The following PEBP4 variants were observed in gnomAD, a reference collection of about 807,000 sequenced individuals.
PEBP4 encodes the protein phosphatidylethanolamine binding protein 4.
Under a neutral mutation model 23.9 loss-of-function variants are expected in PEBP4, and 22 were observed. The ratio of observed to expected loss-of-function variants is 0.92; its 90% CI spans 0.66 to 1.31. The LOEUF (loss-of-function observed/expected upper bound fraction) is 1.31. Ranked by LOEUF, PEBP4 falls within the 40% of genes most tolerant of loss-of-function variation. The pLI is 0.00. For missense variants in PEBP4, 324 were observed against 281.7 expected, an observed-to-expected ratio of 1.15 and a Z score of -1.07; for synonymous variants, 112 against 99.3, an observed-to-expected ratio of 1.13 and a Z score of -0.76.
intron 3 of PEBP4, among the ~76,000 whole-genome samples, chr8:22,873,579 C>T (rs1808055935): frequency 6.6e-6 from 1 of 152,124 alleles, no homozygotes; most frequent in Non-Finnish European, 1.5e-5. Context: ...CTGCAGTGAG[C>T]CGTGATTGTG....
At chr8:22,926,154 T>C (rs888133868) in intron 2 of PEBP4, among the ~76,000 whole-genome samples, 2 of 151,834 alleles carry the variant, frequency 1.3e-5, no homozygotes, top group African/African-American at 4.8e-5. Context: ...TTTTTTTTAT[T>C]TTTAGTAGAG....
intron 4 of PEBP4, among the ~76,000 whole-genome samples, chr8:22,774,218 T>C (rs1308567210): frequency 1.3e-5 from 2 of 152,210 alleles, no homozygotes; most frequent in Non-Finnish European, 2.9e-5. Flanking sequence ...TTTCAATCAC[T>C]TTCCTTCCTC....
chr8:22,820,267 T>C (rs947993105), intron 3 of PEBP4, among the ~76,000 whole-genome samples: 1 of 152,170 alleles, frequency 6.6e-6, no homozygotes, highest in Non-Finnish European at 1.5e-5. Context: ...AAAATGAATA[T>C]ACCATAGGTA....
chr8:22,874,334 G>A (rs1175870047), intron 3 of PEBP4, among the ~76,000 whole-genome samples: 1 of 152,172 alleles, frequency 6.6e-6, no homozygotes, highest in Admixed American at 6.5e-5. Flanking sequence ...ACACTCAAAA[G>A]CCCGAAAAGC....
chr8:22,916,645 GTCATTCAT>G (rs57062493), intron 3 of PEBP4, among the ~76,000 whole-genome samples: 5 of 151,720 alleles, frequency 3.3e-5, no homozygotes, highest in African/African-American at 9.7e-5. Context: ...TCTCCCACAT[GTCATTCAT>G]TCATTCATTC....
At chr8:22,873,978 G>A (rs1000998573) in intron 3 of PEBP4, among the ~76,000 whole-genome samples, 5 of 152,148 alleles carry the variant, frequency 3.3e-5, no homozygotes, top group Non-Finnish European at 7.3e-5. Flanking sequence ...AGCTCTAGGG[G>A]CAGTCAGTTT....
chr8:22,757,334 C>T (rs1002936121), intron 4 of PEBP4: 3 of 152,282 alleles, frequency 2.0e-5, no homozygotes, highest in African/African-American at 7.2e-5. Flanking sequence ...CATGACATTC[C>T]CACGACAGGT....
At chr8:22,783,841 T>C (rs1259680954) in intron 4 of PEBP4, among the ~76,000 whole-genome samples, 2 of 152,220 alleles carry the variant, frequency 1.3e-5, no homozygotes, top group Non-Finnish European at 2.9e-5. Flanking sequence ...GTCACGTTAC[T>C]CAGGCTGGTC....
chr8:22,884,826 A>G (rs1330416414), intron 3 of PEBP4: 4 of 152,050 alleles, frequency 2.6e-5, no homozygotes, highest in Admixed American at 2.0e-4. Context: ...CTGGTCTGGG[A>G]TCTGTCTTAT....
chr8:22,812,995 C>T (rs571665341), intron 4 of PEBP4, among the ~76,000 whole-genome samples: 65 of 152,196 alleles, frequency 4.3e-4, no homozygotes, highest in African/African-American at 1.5e-3. Context: ...GCAGTGGAAC[C>T]GATCACTCAA....
chr8:22,938,756 C>T (rs1809572446), intron 1 of PEBP4, among the ~76,000 whole-genome samples: 1 of 152,146 alleles, frequency 6.6e-6, no homozygotes, highest in Non-Finnish European at 1.5e-5. Flanking sequence ...GCTGCTCCTC[C>T]CACCTCCCAT....
intron 3 of PEBP4, among the ~76,000 whole-genome samples, chr8:22,906,736 A>G (rs199852629): frequency 6.6e-6 from 1 of 152,224 alleles, no homozygotes; most frequent in African/African-American, 2.4e-5. Flanking sequence ...CATGTGTTCA[A>G]CAAATATTTA....
At chr8:22,806,989 T>C (rs1431599363) in intron 4 of PEBP4, among the ~76,000 whole-genome samples, 1 of 152,216 alleles carries the variant, frequency 6.6e-6, no homozygotes, top group Non-Finnish European at 1.5e-5. Flanking sequence ...CTTTTCTATA[T>C]TGTCTCAGAC....
chr8:22,922,302 T>C (rs1303322364), intron 2 of PEBP4, among the ~76,000 whole-genome samples: 1 of 152,142 alleles, frequency 6.6e-6, no homozygotes, highest in Non-Finnish European at 1.5e-5. Flanking sequence ...GACAAATTTA[T>C]TTGATCTGCA....
chr8:22,772,680 G>T (rs1805739729), intron 4 of PEBP4, among the ~76,000 whole-genome samples: 1 of 152,102 alleles, frequency 6.6e-6, no homozygotes, highest in South Asian at 2.1e-4. Flanking sequence ...GAGAGATTCA[G>T]TGCCTCTGCG....
chr8:22,805,878 C>CTGAATGAATGAATGAA (rs59038661), intron 4 of PEBP4, among the ~76,000 whole-genome samples: 22 of 151,346 alleles, frequency 1.5e-4, no homozygotes, highest in Non-Finnish European at 1.9e-4. Flanking sequence ...TAAGCACATG[C>CTGAATGAATGAATGAA]TGAATGAATG....
rs1805799401 is a variant in PEBP4 at position 22,775,612 on chromosome 8, CT to C, written c.357+42024del. Among the ~76,000 whole-genome samples, 1 of 152,176 alleles carries C rather than the reference CT, an allele frequency of 6.6e-6. No individual in the cohort carries two copies. On this transcript the variant is annotated intron_variant, in intron 4 of 6. Coordinates refer to ENST00000256404, the MANE Select transcript of PEBP4 (RefSeq NM_144962.3). This position sits in a 1 kb window ranked among gnomAD's most constrained non-coding sequence, Gnocchi z 4.8. ...CCAATTAAATATGCAGCCTATTTGT[CT>C]GTGTGTGGGAGAGGGTTTGCTGGGA...
chr8:22,808,123 C>T (rs1332599867), intron 4 of PEBP4, among the ~76,000 whole-genome samples: 1 of 151,692 alleles, frequency 6.6e-6, no homozygotes, highest in Non-Finnish European at 1.5e-5. Context: ...CCCACCTACC[C>T]AACTTCCACC....
intron 4 of PEBP4, among the ~76,000 whole-genome samples, chr8:22,793,214 T>C (rs10113106): frequency 6.6e-6 from 1 of 151,686 alleles, no homozygotes; most frequent in Non-Finnish European, 1.5e-5. Context: ...AATGGCACAA[T>C]TATTTTACTC....
Sources: allele counts gnomAD v4.1 joint callset (sites outside exome capture counted in the v4.1 genomes callset), GRCh38; gene constraint gnomAD v4.1.1; non-coding constraint Gnocchi (gnomAD v3.1); transcripts MANE v1.5; gene names NCBI Gene and HGNC (gene_info 2026-07-23, HGNC 2026-07-21).